TTC6: variants seen among roughly 807,000 people sequenced by gnomAD.
TTC6 encodes the protein tetratricopeptide repeat domain 6.
Under a neutral mutation model 210.4 loss-of-function variants are expected in TTC6, and 172 were observed. The ratio of observed to expected loss-of-function variants is 0.82; its 90% CI spans 0.72 to 0.93. TTC6 has a LOEUF of 0.93. TTC6 is among the 40% of genes least tolerant of loss of function. The probability of loss-of-function intolerance (pLI) is 0.00; values close to 1 mark genes in which losing one functional copy is unlikely to be tolerated. For synonymous variants in TTC6, 804 were observed against 819.6 expected (o/e 0.98, Z 0.32); for missense variants, 2,414 against 2,318.1 (o/e 1.04, Z -0.85).
chr14:37,610,677 C>T (rs768895005), intron 2 of TTC6, among the ~76,000 whole-genome samples: 3 of 152,208 alleles, frequency 2.0e-5, no homozygotes, highest in Admixed American at 6.5e-5. Flanking sequence ...TGCCGTAGTA[C>T]TGCCTGCCCA....
chr14:37,806,393 A>G, exon 22 of TTC6: 1 of 1,535,590 alleles, frequency 6.5e-7, no homozygotes, highest in Non-Finnish European at 8.7e-7. Flanking sequence ...CTGTGAAAGC[A>G]AATCCAGATT....
chr14:37,769,978 G>A (rs531531896), intron 14 of TTC6, among the ~76,000 whole-genome samples: 52 of 152,126 alleles, frequency 3.4e-4, no homozygotes, highest in Middle Eastern at 6.8e-3. Flanking sequence ...CTTTGAATGC[G>A]TCCCAGAGAT....
intron 1 of TTC6, among the ~76,000 whole-genome samples, chr14:37,653,244 A>G (rs1163239648): frequency 3.9e-5 from 6 of 152,326 alleles, no homozygotes; most frequent in Non-Finnish European, 7.4e-5. Flanking sequence ...CAAAGGATAC[A>G]TGGGAAATAT....
At chr14:37,821,772 C>A (rs1249832428) in intron 26 of TTC6, among the ~76,000 whole-genome samples, 1 of 69,160 alleles carries the variant, frequency 1.4e-5, no homozygotes. Context: ...AAGAGCTAGT[C>A]TTTTTTTTTT....
chr14:37,721,068 T>G (rs2138803484), intron 6 of TTC6, among the ~76,000 whole-genome samples: 1 of 144,408 alleles, frequency 6.9e-6, no homozygotes, highest in South Asian at 2.2e-4. Context: ...ATAAAGAAAT[T>G]ATGGTCAGTG....
exon 6 of TTC6, chr14:37,714,771 C>T (rs1390262007): frequency 7.8e-6 from 12 of 1,535,382 alleles, no homozygotes; most frequent in Non-Finnish European, 1.0e-5. Context: ...GCTCACAAAC[C>T]ACACTTGGAA....
intron 3 of TTC6, among the ~76,000 whole-genome samples, chr14:37,689,051 CAAAG>C (rs1442278131): frequency 6.6e-6 from 1 of 151,896 alleles, no homozygotes; most frequent in East Asian, 1.9e-4. Context: ...TGAAGAAACT[CAAAG>C]AAATTCAAGA....
chr14:37,644,036 A>T (rs994370720), intron 1 of TTC6, among the ~76,000 whole-genome samples: 4 of 152,202 alleles, frequency 2.6e-5, no homozygotes, highest in Non-Finnish European at 5.9e-5. Context: ...TTTACAATGG[A>T]ATCTTTGAAA....
At chr14:37,622,638 G>C in exon 1 of TTC6, 1 of 1,535,170 alleles carries the variant, frequency 6.5e-7, no homozygotes, top group Non-Finnish European at 8.7e-7. Flanking sequence ...CCAGGAGGTA[G>C]CTCCTCTCGC....
chr14:37,704,241 C>T (rs2095831062), intron 5 of TTC6, among the ~76,000 whole-genome samples: 1 of 152,006 alleles, frequency 6.6e-6, no homozygotes, highest in South Asian at 2.1e-4. Context: ...TTTTTGTAGA[C>T]ATAGAGTCTC....
At chr14:37,676,784 A>C (rs1042427943) in intron 1 of TTC6, among the ~76,000 whole-genome samples, 4 of 152,058 alleles carry the variant, frequency 2.6e-5, no homozygotes, top group Admixed American at 2.0e-4. Context: ...TTGCATGTAG[A>C]TATTCAGTTG....
At chr14:37,736,100 T>C in intron 8 of TTC6, 90 bp downstream of exon 10, 1 of 746,592 alleles carries the variant, frequency 1.3e-6, no homozygotes, top group South Asian at 1.9e-5. Context: ...AAATTATTTC[T>C]TGGGGCCAGG....
rs544847148 is a variant in TTC6 at position 37,823,040 on chromosome 14, T to C, written c.4764-707T>C. 1.3e-4 allele frequency among the ~76,000 whole-genome samples: 20 copies of C among 152,280 alleles called. No homozygotes were observed. The East Asian group carries it at 3.5e-3, about 26-fold the overall frequency. On this transcript the variant is annotated intron_variant, in intron 26 of 30. Coordinates refer to ENST00000553443, the Ensembl canonical transcript of TTC6. ...AAATCCTAGACTCTCTCCATGTTAATTGAAACTAAATATTATTATTAGATA... is the reference window on the plus strand; with the variant it reads ...AAATCCTAGACTCTCTCCATGTTAACTGAAACTAAATATTATTATTAGATA...
At chr14:37,689,479 AC>A (rs1238415765) in intron 3 of TTC6, among the ~76,000 whole-genome samples, 1 of 152,172 alleles carries the variant, frequency 6.6e-6, no homozygotes, top group African/African-American at 2.4e-5. Flanking sequence ...GCTATAGAAC[AC>A]CAAGAAAATT....
At chr14:37,722,412 C>G (rs1381370408) in intron 6 of TTC6, among the ~76,000 whole-genome samples, 1 of 152,182 alleles carries the variant, frequency 6.6e-6, no homozygotes, top group African/African-American at 2.4e-5. Context: ...GAAGGTGCAT[C>G]TGTACTTTCC....
At chr14:37,624,469 G>T (rs1381452303) in intron 1 of TTC6, among the ~76,000 whole-genome samples, 1 of 152,130 alleles carries the variant, frequency 6.6e-6, no homozygotes, top group African/African-American at 2.4e-5. Flanking sequence ...GTCCCGTACA[G>T]TTGAGGAAAG....
chr14:37,696,153 CT>C (rs2095814416), intron 3 of TTC6, among the ~76,000 whole-genome samples: 1 of 152,078 alleles, frequency 6.6e-6, no homozygotes, highest in African/African-American at 2.4e-5. Flanking sequence ...AATTAACTTC[CT>C]TTTATCTGGC....
At chr14:37,711,605 G>A (rs1376021285) in intron 5 of TTC6, among the ~76,000 whole-genome samples, 1 of 152,112 alleles carries the variant, frequency 6.6e-6, no homozygotes, top group African/African-American at 2.4e-5. Flanking sequence ...GTGGAAGGTT[G>A]GGGGAAGGAA....
intron 1 of TTC6, among the ~76,000 whole-genome samples, chr14:37,600,616 G>C (rs74045682): frequency 0.028 from 4,188 of 152,206 alleles, 178 homozygotes; most frequent in African/African-American, 0.09. Flanking sequence ...GCTTTAATAA[G>C]AATCATATGC....
Sources: allele counts gnomAD v4.1 joint callset (sites outside exome capture counted in the v4.1 genomes callset), GRCh38; gene constraint gnomAD v4.1.1; transcripts MANE v1.5; gene names NCBI Gene and HGNC (gene_info 2026-07-23, HGNC 2026-07-21).